Variants in KLHL1 observed in about 807,000 individuals in gnomAD.
KLHL1 encodes the protein kelch-like protein 1.
KLHL1 carries 47 observed loss-of-function variants against 77.7 expected under a neutral mutation model. That is an observed-to-expected ratio of 0.60 (90% CI 0.48 to 0.77). KLHL1 has a LOEUF of 0.77. Among genes scored for constraint, KLHL1 ranks in the 30% least tolerant of loss-of-function variants. The pLI is 0.00. For synonymous variants in KLHL1, 360 were observed against 325.2 expected, an observed-to-expected ratio of 1.11 and a Z score of -1.15; for missense variants, 925 against 910.8, an observed-to-expected ratio of 1.02 and a Z score of -0.20.
At chr13:69,875,793 T>C (rs901596698) in intron 5 of KLHL1, among the ~76,000 whole-genome samples, 1 of 152,156 alleles carries the variant, frequency 6.6e-6, no homozygotes, top group African/African-American at 2.4e-5. Context: ...TTATTGTCTA[T>C]GTATTTCTGT....
intron 1 of KLHL1, among the ~76,000 whole-genome samples, chr13:70,029,067 TATA>T (rs1311090892): frequency 6.6e-6 from 1 of 152,152 alleles, no homozygotes; most frequent in Non-Finnish European, 1.5e-5. Context: ...GTAACCGCTA[TATA>T]ATGACTGTTT....
rs561276960 is a variant in KLHL1, at chr13:70,095,164, C to A, written c.497+12039G>T. Among the ~76,000 whole-genome samples the A allele has an allele frequency of 1.6e-4, 24 of 152,172 alleles. No homozygotes were observed. In the East Asian group the frequency reaches 2.5e-3, roughly 16 times the overall value. Reference sequence around the variant, plus strand: ...ATCTACCCAGCATAATGAATGGTATCGGTTATAGATCTAAGTGAAATTTGG... The same window carrying A: ...ATCTACCCAGCATAATGAATGGTATAGGTTATAGATCTAAGTGAAATTTGG... On this transcript the variant is annotated intron_variant, in intron 1 of 10. Coordinates refer to ENST00000377844, the MANE Select transcript of KLHL1 (RefSeq NM_020866.3).
chr13:69,916,532 T>A (rs1033704103), intron 4 of KLHL1, among the ~76,000 whole-genome samples: 4 of 151,302 alleles, frequency 2.6e-5, no homozygotes, highest in Non-Finnish European at 5.9e-5. Flanking sequence ...TAGGTGGGAA[T>A]TGAACAATGA....
intron 1 of KLHL1, among the ~76,000 whole-genome samples, chr13:69,999,146 ATATG>A: frequency 6.6e-6 from 1 of 152,108 alleles, no homozygotes; most frequent in Non-Finnish European, 1.5e-5. Flanking sequence ...TAGCATATGT[ATATG>A]TATTATGTAT....
intron 7 of KLHL1, among the ~76,000 whole-genome samples, chr13:69,776,155 C>A (rs1034021710): frequency 6.7e-6 from 1 of 148,670 alleles, no homozygotes; most frequent in African/African-American, 2.5e-5. Flanking sequence ...GACTCCGTCT[C>A]GGAAAAAAAA....
rs1382613796 is a variant in KLHL1, at chr13:69,935,246, T to TA, written c.1014+4793_1014+4794insT. 2.0e-4 allele frequency among the ~76,000 whole-genome samples: 29 copies of TA among 148,564 alleles called. 2 individuals are homozygous for TA. The highest frequency in any genetic ancestry group is 7.3e-4 in the African/African-American group (29 of 39,950). ...GTACATAGTTCACCCACTGGTGAAC[T>TA]TGGTACATAGTTCACCTACTGGTGA... On this transcript the variant is annotated intron_variant, in intron 4 of 10. Coordinates refer to ENST00000377844, the MANE Select transcript of KLHL1 (RefSeq NM_020866.3).
At chr13:69,966,438 C>G (rs2137277548) in intron 2 of KLHL1, among the ~76,000 whole-genome samples, 1 of 152,232 alleles carries the variant, frequency 6.6e-6, no homozygotes, top group African/African-American at 2.4e-5. Flanking sequence ...ACAGTTGAGA[C>G]TTACTACTCA....
At chr13:69,889,653 T>C (rs1881353358) in intron 4 of KLHL1, among the ~76,000 whole-genome samples, 1 of 152,006 alleles carries the variant, frequency 6.6e-6, no homozygotes, top group Non-Finnish European at 1.5e-5. Context: ...GCATGGTGAT[T>C]ATGGGTGATT....
intron 1 of KLHL1, among the ~76,000 whole-genome samples, chr13:70,023,743 C>T (rs947076160): frequency 2.0e-5 from 3 of 151,890 alleles, no homozygotes; most frequent in Non-Finnish European, 4.4e-5. Context: ...ACTGCTTTCT[C>T]ATGGTTGTTT....
chr13:69,933,787 C>G (rs1055277463), intron 4 of KLHL1, among the ~76,000 whole-genome samples: 14 of 150,428 alleles, frequency 9.3e-5, no homozygotes, highest in African/African-American at 3.4e-4. Context: ...GGACAGAAAA[C>G]AGAGAAGGGG....
Position 70,107,295 on chromosome 13 carries a change from A to G in KLHL1, c.405T>C (p.Phe135=), listed in dbSNP as rs760963203. 2.7e-5 allele frequency: 44 copies of G among 1,614,154 alleles called. No individual in the cohort carries two copies. In the East Asian group the frequency reaches 7.8e-4, roughly 29 times the overall value. Reference sequence around the variant, plus strand: ...CCAGCCCTTTTTCGTGTGGTCCAGGAAAGTCCATGCCTGGCACCACCTCCT... The same window carrying G: ...CCAGCCCTTTTTCGTGTGGTCCAGGGAAGTCCATGCCTGGCACCACCTCCT... The part of the protein sequence containing the change: ...LEEEVVPGMD[F]PGPHEKGLVL... Residue 135 remains phenylalanine, a synonymous_variant, in exon 1 of 11, where the codon TTT becomes TTC. Transcript: ENST00000377844.
chr13:70,000,618 A>G (rs1370105762), intron 1 of KLHL1, among the ~76,000 whole-genome samples: 3 of 151,838 alleles, frequency 2.0e-5, no homozygotes, highest in Non-Finnish European at 4.4e-5. Context: ...CCACAATGCA[A>G]AATCACTGGA....
At chr13:69,709,791 A>G (rs1257835930) in intron 9 of KLHL1, among the ~76,000 whole-genome samples, 1 of 151,974 alleles carries the variant, frequency 6.6e-6, no homozygotes, top group Non-Finnish European at 1.5e-5. Flanking sequence ...AAACAATAAG[A>G]ACAAATTTGT....
At chr13:69,773,095 C>T (rs1476352560) in intron 7 of KLHL1, among the ~76,000 whole-genome samples, 3 of 151,920 alleles carry the variant, frequency 2.0e-5, no homozygotes, top group East Asian at 1.9e-4. Context: ...GTTTGGAAAG[C>T]GGTGTGCAAT....
intron 4 of KLHL1, among the ~76,000 whole-genome samples, chr13:69,922,989 T>A (rs1006606686): frequency 6.6e-6 from 1 of 152,190 alleles, no homozygotes; most frequent in East Asian, 1.9e-4. Context: ...GCAAATGAAT[T>A]TCAATATTAC....
At chr13:70,026,749 G>GGA (rs149315768) in intron 1 of KLHL1, among the ~76,000 whole-genome samples, 7 of 148,666 alleles carry the variant, frequency 4.7e-5, no homozygotes, top group East Asian at 3.9e-4. Flanking sequence ...TGTGTAAGAG[G>GGA]GAGAGAGAGA....
chr13:70,015,327 T>C (rs954514989), intron 1 of KLHL1, among the ~76,000 whole-genome samples: 4 of 152,154 alleles, frequency 2.6e-5, no homozygotes, highest in Non-Finnish European at 4.4e-5. Context: ...AATTTTAATA[T>C]AAAGGTAAGT....
At chr13:69,767,205 C>T (rs1265547787) in intron 7 of KLHL1, among the ~76,000 whole-genome samples, 4 of 151,856 alleles carry the variant, frequency 2.6e-5, no homozygotes, top group African/African-American at 9.7e-5. Context: ...TCAGGCCAAA[C>T]TAGAATTATT....
At chr13:69,944,799 G>C (rs968608731) in intron 3 of KLHL1, among the ~76,000 whole-genome samples, 4 of 152,034 alleles carry the variant, frequency 2.6e-5, no homozygotes, top group African/African-American at 9.7e-5. Context: ...AGCACTACCT[G>C]ATTTTAAGAC....
Sources: allele counts gnomAD v4.1 joint callset (sites outside exome capture counted in the v4.1 genomes callset), GRCh38; gene constraint gnomAD v4.1.1; transcripts MANE v1.5; gene names NCBI Gene and HGNC (gene_info 2026-07-23, HGNC 2026-07-21).